Variants in NUP210 observed in about 807,000 individuals in gnomAD.
NUP210 encodes the protein nucleoporin 210.
NUP210 carries 151 observed loss-of-function variants against 196.0 expected under a neutral mutation model. The ratio of observed to expected loss-of-function variants is 0.77; its 90% CI spans 0.67 to 0.88. The LOEUF is 0.88. Among genes scored for constraint, NUP210 ranks in the 40% least tolerant of loss-of-function variants. The probability of loss-of-function intolerance (pLI) is 0.00; values close to 1 mark genes in which losing one functional copy is unlikely to be tolerated. For synonymous variants in NUP210, 1,070 were observed against 1,052.7 expected, an observed-to-expected ratio of 1.02 and a Z score of -0.32; for missense variants, 2,314 against 2,493.7, an observed-to-expected ratio of 0.93 and a Z score of 1.53.
At chr3:13,417,593 C>T (rs1700389120) in intron 1 of NUP210, among the ~76,000 whole-genome samples, 1 of 152,204 alleles carries the variant, frequency 6.6e-6, no homozygotes, top group African/African-American at 2.4e-5. Context: ...TTCAAAACTG[C>T]AGCAATAGAC....
chr3:13,354,394 C>G, intron 16 of NUP210: 2 of 431,504 alleles, frequency 4.6e-6, no homozygotes, highest in Non-Finnish European at 8.5e-6. Context: ...ACGCATGAGT[C>G]AGGGGGTTGC....
At chr3:13,378,885 A>G in intron 8 of NUP210, 27 bp downstream of exon 8, 1 of 1,539,642 alleles carries the variant, frequency 6.5e-7, no homozygotes, top group Non-Finnish European at 9.0e-7. Flanking sequence ...AGCAGCATCC[A>G]TGAGGGCCCA....
chr3:13,364,064 T>A (rs1327330100), intron 14 of NUP210, among the ~76,000 whole-genome samples: 4 of 152,184 alleles, frequency 2.6e-5, no homozygotes, highest in African/African-American at 9.6e-5. Flanking sequence ...TGAGTTGGGA[T>A]GTGGGGGCAG....
intron 15 of NUP210, among the ~76,000 whole-genome samples, chr3:13,359,501 GCATGT>G (rs1698298842): frequency 6.6e-6 from 1 of 152,194 alleles, no homozygotes; most frequent in Non-Finnish European, 1.5e-5. Flanking sequence ...TGGGAGGCAT[GCATGT>G]GCGTTTTATT....
chr3:13,323,261 C>T lies in NUP210; in HGVS notation c.4768+48G>A. The T allele has an allele frequency of 6.2e-7, 1 of 1,610,272 alleles. No homozygotes were observed. The highest frequency in any genetic ancestry group is 8.5e-7 in the Non-Finnish European group (1 of 1,177,676). On this transcript the variant is annotated intron_variant, in intron 34 of 39. Coordinates refer to ENST00000254508, the MANE Select transcript of NUP210 (RefSeq NM_024923.4). This position sits in a 1 kb window ranked among gnomAD's most constrained non-coding sequence, Gnocchi z 4.3. Reference sequence around the variant, plus strand: ...ATCCAGAGGACACAGGAAGCCACCTCCCCGCTCCCAGGTACTCTGAAGACA... The same window carrying T: ...ATCCAGAGGACACAGGAAGCCACCTTCCCGCTCCCAGGTACTCTGAAGACA...
intron 16 of NUP210, 64 bp from the exon 17 acceptor site, chr3:13,354,171 C>G: frequency 7.1e-7 from 1 of 1,399,728 alleles, no homozygotes; most frequent in Non-Finnish European, 9.8e-7. Context: ...ACTGACCACG[C>G]AGTGCACTCT....
In NUP210 at chr3:13,317,727, G is replaced by A. The variant is rs748914011; in HGVS notation, c.5618C>T (p.Ala1873Val). The change falls in exon 40 of 40, where the codon GCC becomes GTC. Residue 1873 changes from alanine to valine, a missense_variant. Ala to Val is a moderately conservative substitution (Grantham distance 64). Coordinates refer to ENST00000254508, the MANE Select transcript of NUP210 (RefSeq NM_024923.4). ...SPNALPPARK[A>V]SPPSGLWSPA... ...GCTCCACAGCCCTGAGGGAGGGCTG[G>A]CTTTGCGAGCAGGAGGCAATGCATT... The A allele has an allele frequency of 1.1e-5, 18 of 1,611,786 alleles. 1 individual carries two copies. The South Asian group carries it at 2.0e-4, about 18-fold the overall frequency.
At chr3:13,331,124 ACTT>A (rs1336537106) in intron 29 of NUP210, among the ~76,000 whole-genome samples, 2 of 152,184 alleles carry the variant, frequency 1.3e-5, no homozygotes, top group African/African-American at 4.8e-5. Context: ...CTCGGCGTTG[ACTT>A]CTTACTTGGT....
chr3:13,367,266 G>A (rs573211270), intron 13 of NUP210, among the ~76,000 whole-genome samples: 1 of 151,606 alleles, frequency 6.6e-6, no homozygotes, highest in African/African-American at 2.4e-5. Context: ...GAGAAATCCC[G>A]TCTCTATTAA....
At chr3:13,344,432 T>C (rs1697641193) in intron 20 of NUP210, among the ~76,000 whole-genome samples, 1 of 152,236 alleles carries the variant, frequency 6.6e-6, no homozygotes, top group African/African-American at 2.4e-5. Context: ...CTTTGTTGCT[T>C]GCTCTTTGTG....
chr3:13,331,067 C>T (rs1052883428), intron 29 of NUP210, among the ~76,000 whole-genome samples: 4 of 152,110 alleles, frequency 2.6e-5, no homozygotes, highest in African/African-American at 9.7e-5. Flanking sequence ...AAAGCCGGTC[C>T]CAACATGTCC....
chr3:13,385,094 C>T (rs757599797), intron 6 of NUP210, among the ~76,000 whole-genome samples: 3 of 152,230 alleles, frequency 2.0e-5, no homozygotes, highest in Non-Finnish European at 4.4e-5. Flanking sequence ...AAGGCAGGAG[C>T]GCCTGTCTTC....
chr3:13,410,558 G>A (rs1201179517), intron 1 of NUP210, among the ~76,000 whole-genome samples: 1 of 151,272 alleles, frequency 6.6e-6, no homozygotes, highest in Non-Finnish European at 1.5e-5. Flanking sequence ...GGCCAAGGTA[G>A]GAGGATCACT....
At chr3:13,356,443 G>C (rs1429504396) in intron 16 of NUP210, among the ~76,000 whole-genome samples, 1 of 152,174 alleles carries the variant, frequency 6.6e-6, no homozygotes, top group Non-Finnish European at 1.5e-5. Context: ...AGGAGTTTGA[G>C]ACCAGCCTGA....
rs1696718423 is a variant in NUP210, at chr3:13,325,674, C to A, written c.4644+121G>T. The stretch of plus-strand genomic sequence containing the variant: ...GTGGCCAGTCCCAGACTCATGACTC[C>A]CAGACCCAACCCCTCAGACGGCTTT... On this transcript the variant is annotated intron_variant, in intron 33 of 39. Coordinates refer to ENST00000254508, the MANE Select transcript of NUP210 (RefSeq NM_024923.4). 2.4e-6 allele frequency: 3 copies of A among 1,227,594 alleles called. No individual in the cohort carries two copies. The South Asian group carries it at 4.2e-5, about 17-fold the overall frequency. The allele number at this position is 1,227,594 out of a possible 1,614,324, so 76.0% of individuals were successfully genotyped here.
chr3:13,316,600 T>C lies in NUP210; in HGVS notation c.*1081A>G, dbSNP rs1461455568. 6.6e-6 allele frequency: 1 copy of C among 151,958 alleles called. No homozygotes were observed. Among genetic ancestry groups the C allele is most frequent in the East Asian group, 1.9e-4 (1 of 5,156 alleles). 9.4% of individuals were successfully genotyped at this position (151,958 alleles called of 1,614,324 possible). Reference sequence around the variant, plus strand: ...GTCTCCTCCCCCAGGCCCTGGGGAGTCCCTTCTGGATGGGCAGGCCCTGGG... The same window carrying C: ...GTCTCCTCCCCCAGGCCCTGGGGAGCCCCTTCTGGATGGGCAGGCCCTGGG... On this transcript the variant is annotated 3_prime_UTR_variant, in exon 40 of 40. Coordinates refer to ENST00000254508, the MANE Select transcript of NUP210 (RefSeq NM_024923.4).
chr3:13,368,742 TGCA>T (rs1444367553), intron 13 of NUP210, among the ~76,000 whole-genome samples: 1 of 152,254 alleles, frequency 6.6e-6, no homozygotes, highest in Non-Finnish European at 1.5e-5. Context: ...TCTTCCATGT[TGCA>T]GCATGGGTCG....
Position 13,321,768 on chromosome 3 carries a change from C to T in NUP210, c.4983G>A (p.Lys1661=), listed in dbSNP as rs1441404402. 2.5e-6 allele frequency: 4 copies of T among 1,613,156 alleles called. No individual in the cohort carries two copies. The highest frequency in any genetic ancestry group is 1.6e-4 in the Middle Eastern group (1 of 6,062). Residue 1661 remains lysine (K), a synonymous_variant, in exon 36 of 40, where the codon AAG becomes AAA. Coordinates refer to ENST00000254508, the MANE Select transcript of NUP210 (RefSeq NM_024923.4). ...AGGCACTGACCACCAGAGCTGTCTT[C>T]TTCATGCTCAGGTGCTTCCGCTGCT... ...TDKQRKHLSM[K]KTALVVSASL...
chr3:13,408,093 T>C (rs1299872307), intron 1 of NUP210, among the ~76,000 whole-genome samples: 1 of 152,194 alleles, frequency 6.6e-6, no homozygotes, highest in African/African-American at 2.4e-5. Context: ...ATGGACTCTA[T>C]CAGGTGTGGG....
Sources: allele counts gnomAD v4.1 joint callset (sites outside exome capture counted in the v4.1 genomes callset), GRCh38; gene constraint gnomAD v4.1.1; non-coding constraint Gnocchi (gnomAD v3.1); transcripts MANE v1.5; gene names NCBI Gene and HGNC (gene_info 2026-07-23, HGNC 2026-07-21).